ACYP2: variants seen among roughly 807,000 people sequenced by gnomAD.
ACYP2 encodes the protein acylphosphatase 2.
ACYP2 carries 12 observed loss-of-function variants against 11.2 expected under a neutral mutation model. The ratio of observed to expected loss-of-function variants is 1.08; its 90% CI spans 0.69 to 1.74. The LOEUF is 1.74. Among genes scored for constraint, ACYP2 ranks in the 40% most tolerant of loss-of-function variants. ACYP2 has a pLI of 0.00. For synonymous variants in ACYP2, 43 were observed against 32.2 expected (o/e 1.33, Z -1.13); for missense variants, 134 against 101.9 (o/e 1.31, Z -1.35).
chr2:54,009,577 A>AAATAAT (rs749127700), intron 2 of ACYP2, among the ~76,000 whole-genome samples: 3 of 152,088 alleles, frequency 2.0e-5, no homozygotes, highest in Admixed American at 2.0e-4. Flanking sequence ...TCTGTCTCAA[A>AAATAAT]AATAATAATA....
In ACYP2 at chr2:54,095,123, C is replaced by G. The variant is rs539137550; in HGVS notation, c.277+37763C>G. Among the ~76,000 whole-genome samples the G allele has an allele frequency of 1.8e-4, 28 of 151,954 alleles. No individual in the cohort carries two copies. In the East Asian group the frequency reaches 5.0e-3, roughly 27 times the overall value. Reference sequence around the variant, plus strand: ...ATGCTGCCTTCAAGCATCTGTTTAACAAAGCACATCTTGCACCGCCCTTAA... The same window carrying G: ...ATGCTGCCTTCAAGCATCTGTTTAAGAAAGCACATCTTGCACCGCCCTTAA... On this transcript the variant is annotated intron_variant, in intron 4 of 6. Transcript: ENST00000607452.
intron 2 of ACYP2, among the ~76,000 whole-genome samples, chr2:54,046,128 C>T (rs1675507328): frequency 1.4e-5 from 2 of 144,978 alleles, no homozygotes; most frequent in Non-Finnish European, 3.0e-5. Context: ...AGTGATCATG[C>T]CACTGCACTC....
At chr2:54,052,478 T>C (rs1675922421) in intron 3 of ACYP2, among the ~76,000 whole-genome samples, 1 of 152,168 alleles carries the variant, frequency 6.6e-6, no homozygotes, top group Non-Finnish European at 1.5e-5. Flanking sequence ...ATATAAGTTA[T>C]ATATGGGAAT....
chr2:53,987,245 C>T (rs1045888788), intron 2 of ACYP2, among the ~76,000 whole-genome samples: 2 of 151,864 alleles, frequency 1.3e-5, no homozygotes, highest in Non-Finnish European at 2.9e-5. Context: ...GTTTCTCCAT[C>T]TGGGAGATGG....
At chr2:54,195,322 T>G (rs985787383) in intron 6 of ACYP2, among the ~76,000 whole-genome samples, 3 of 152,210 alleles carry the variant, frequency 2.0e-5, no homozygotes, top group Admixed American at 2.0e-4. Context: ...GATAATTAAC[T>G]GAGAGATGAT....
At chr2:54,160,874 T>TA (rs1682680816) in intron 6 of ACYP2, among the ~76,000 whole-genome samples, 2 of 152,154 alleles carry the variant, frequency 1.3e-5, no homozygotes, top group African/African-American at 4.8e-5. Flanking sequence ...GAGATTGGAA[T>TA]CAAGGAGATT....
intron 6 of ACYP2, among the ~76,000 whole-genome samples, chr2:54,233,784 C>G (rs1397916499): frequency 6.6e-6 from 1 of 152,076 alleles, no homozygotes; most frequent in Non-Finnish European, 1.5e-5. Context: ...TGTATTAGCT[C>G]TCTCTCTTAC....
chr2:54,219,805 G>GTA (rs1685705151), intron 6 of ACYP2, among the ~76,000 whole-genome samples: 1 of 147,368 alleles, frequency 6.8e-6, no homozygotes, highest in Non-Finnish European at 1.5e-5. Context: ...GTGTGTGTGT[G>GTA]TGTGTTTGTG....
At chr2:54,018,351 A>G (rs370081868) in intron 2 of ACYP2, among the ~76,000 whole-genome samples, 251 of 152,350 alleles carry the variant, frequency 1.6e-3, no homozygotes, top group African/African-American at 5.8e-3. Flanking sequence ...AGCCGCTGGT[A>G]TAGTGGGAAA....
intron 2 of ACYP2, among the ~76,000 whole-genome samples, chr2:54,005,778 C>T (rs573363224): frequency 5.3e-5 from 8 of 152,258 alleles, no homozygotes; most frequent in Non-Finnish European, 1.0e-4. Flanking sequence ...TGACCTTGTC[C>T]TTCTCCTTCA....
chr2:54,103,160 T>C lies in ACYP2; in HGVS notation c.278-32293T>C, dbSNP rs182832738. On this transcript the variant is annotated intron_variant, in intron 4 of 6. Transcript: ENST00000607452. ...CTGTGCCAGCAAAAGAAAAAATTTA[T>C]ATTACAAGTATCATCAGCTCTCCCA... Among the ~76,000 whole-genome samples the C allele has an allele frequency of 1.5e-3, 193 of 124,758 alleles. 1 individual carries two copies. The highest frequency in any genetic ancestry group is 4.8e-3 in the African/African-American group (187 of 38,922). 81.8% of individuals were successfully genotyped at this position (124,758 alleles called of 152,430 possible).
At chr2:54,074,063 G>A (rs950050350) in intron 4 of ACYP2, among the ~76,000 whole-genome samples, 1 of 152,216 alleles carries the variant, frequency 6.6e-6, no homozygotes, top group African/African-American at 2.4e-5. Context: ...AACAAGGCCG[G>A]ATGCAGTGAC....
intron 2 of ACYP2, among the ~76,000 whole-genome samples, chr2:54,019,068 T>G (rs1308700818): frequency 6.6e-6 from 1 of 150,966 alleles, no homozygotes; most frequent in Non-Finnish European, 1.5e-5. Flanking sequence ...TTATTATTAT[T>G]ATGTTTTTTT....
intron 6 of ACYP2, among the ~76,000 whole-genome samples, chr2:54,158,740 G>T (rs1239060672): frequency 5.3e-5 from 8 of 152,072 alleles, no homozygotes; most frequent in African/African-American, 1.4e-4. Context: ...GTAAACTAAG[G>T]CCTCGTGGCT....
chr2:54,081,642 G>A (rs1238491578), intron 4 of ACYP2, among the ~76,000 whole-genome samples: 1 of 152,174 alleles, frequency 6.6e-6, no homozygotes, highest in East Asian at 1.9e-4. Context: ...CATTTCCAAC[G>A]TTAAGGCTAT....
At chr2:54,196,745 A>G (rs973735236) in intron 6 of ACYP2, among the ~76,000 whole-genome samples, 11 of 129,896 alleles carry the variant, frequency 8.5e-5, no homozygotes, top group Non-Finnish European at 1.3e-4. Context: ...ATTTGTCTCC[A>G]TATATTGGTC....
In ACYP2 at chr2:54,269,808, A is replaced by C. The variant is rs187201521; in HGVS notation, c.405-34880A>C. ...TTATTTATAGAAAAGCCATTATTCC[A>C]CTATTCTATATCAATAACAATTTTC... is the stretch of plus-strand genomic sequence containing the variant. On this transcript the variant is annotated intron_variant, in intron 6 of 6. Transcript: ENST00000607452. Among the ~76,000 whole-genome samples, 188 of 152,320 alleles carry C rather than the reference A, an allele frequency of 1.2e-3. 1 individual carries two copies. Among genetic ancestry groups the C allele is most frequent in the African/African-American group, 4.3e-3 (180 of 41,578 alleles).
At chr2:54,138,031 TG>T (rs1286193750) in intron 5 of ACYP2, among the ~76,000 whole-genome samples, 2 of 152,326 alleles carry the variant, frequency 1.3e-5, no homozygotes, top group East Asian at 3.9e-4. Context: ...CTCTAATGAT[TG>T]GTGATATTGA....
At chr2:54,061,934 G>A (rs188508442) in intron 4 of ACYP2, among the ~76,000 whole-genome samples, 98 of 152,196 alleles carry the variant, frequency 6.4e-4, no homozygotes, top group African/African-American at 1.9e-3. Flanking sequence ...TTAACAGGGC[G>A]CAGATTACAG....
Sources: allele counts gnomAD v4.1 joint callset (sites outside exome capture counted in the v4.1 genomes callset), GRCh38; gene constraint gnomAD v4.1.1; transcripts MANE v1.5; gene names NCBI Gene and HGNC (gene_info 2026-07-23, HGNC 2026-07-21).